The following FRMPD4 variants were observed in gnomAD, a reference collection of about 807,000 sequenced individuals.
The protein encoded by FRMPD4 is FERM and PDZ domain containing 4, also known as FERM and PDZ domain-containing protein 4.
FRMPD4 carries 22 observed loss-of-function variants against 94.1 expected under a neutral mutation model. The observed-to-expected ratio is 0.23, with a 90% confidence interval of 0.17 to 0.33. FRMPD4 has a LOEUF of 0.33. Among genes scored for constraint, FRMPD4 ranks in the 10% least tolerant of loss-of-function variants. The probability of loss-of-function intolerance (pLI) is 1.00; values close to 1 mark genes in which losing one functional copy is unlikely to be tolerated. For synonymous variants in FRMPD4, 631 were observed against 548.6 expected, an observed-to-expected ratio of 1.15 and a Z score of -2.10; for missense variants, 1,111 against 1,339.9, an observed-to-expected ratio of 0.83 and a Z score of 2.67.
chrX:12,677,252 C>T (rs974842138), intron 5 of FRMPD4, among the ~76,000 whole-genome samples: 1 of 110,905 alleles, frequency 9.0e-6, no homozygotes, highest in African/African-American at 3.3e-5. Context: ...AAAATTACTC[C>T]CAGCTGAGAA....
At chrX:12,228,762 C>A (rs760949500) in intron 1 of FRMPD4, among the ~76,000 whole-genome samples, 1 of 112,383 alleles carries the variant, frequency 8.9e-6, no homozygotes, top group East Asian at 2.8e-4. Context: ...TGCTTACAAA[C>A]AGCTGTTTGT....
chrX:12,285,797 G>A (rs1213096437), intron 1 of FRMPD4, among the ~76,000 whole-genome samples: 2 of 112,080 alleles, frequency 1.8e-5, no homozygotes, highest in African/African-American at 6.5e-5. Context: ...CAGCCCCAAT[G>A]CCGGGTGTAT....
At chrX:12,122,196 T>C (rs1325470286) in intron 3 of FRMPD4, among the ~76,000 whole-genome samples, 1 of 109,871 alleles carries the variant, frequency 9.1e-6, no homozygotes, top group East Asian at 2.8e-4. Context: ...TCACCCTCCT[T>C]ATAGACTTGA....
chrX:12,533,217 G>A (rs192497794), intron 2 of FRMPD4, among the ~76,000 whole-genome samples: 2 of 111,901 alleles, frequency 1.8e-5, no homozygotes, highest in African/African-American at 6.5e-5. Flanking sequence ...GGAGTTCCCT[G>A]CACAAGCTCT....
At chrX:12,209,611 T>C (rs1334190456) in intron 1 of FRMPD4, among the ~76,000 whole-genome samples, 1 of 112,248 alleles carries the variant, frequency 8.9e-6, no homozygotes, top group Non-Finnish European at 1.9e-5. Context: ...GTGAAGGGCT[T>C]CAGTGCAGCA....
chrX:12,111,636 C>A (rs2055362826), intron 3 of FRMPD4, among the ~76,000 whole-genome samples: 1 of 111,667 alleles, frequency 9.0e-6, no homozygotes, highest in African/African-American at 3.3e-5. Flanking sequence ...AACAGGCAAC[C>A]TACAGAATGG....
intron 2 of FRMPD4, among the ~76,000 whole-genome samples, chrX:12,571,079 C>T (rs1204222792): frequency 8.9e-6 from 1 of 111,931 alleles, no homozygotes; most frequent in Admixed American, 9.5e-5. Flanking sequence ...TGCATCGAAA[C>T]CTAAACTTTG....
intron 1 of FRMPD4, among the ~76,000 whole-genome samples, chrX:12,444,955 A>T (rs1569278797): frequency 8.9e-6 from 1 of 111,955 alleles, no homozygotes; most frequent in Non-Finnish European, 1.9e-5. Context: ...CACTTATTCT[A>T]CAAGCAACCA....
chrX:12,447,626 T>C (rs927465032), intron 1 of FRMPD4, among the ~76,000 whole-genome samples: 6 of 112,074 alleles, frequency 5.4e-5, no homozygotes, highest in African/African-American at 1.9e-4. Context: ...GTCTTTTATA[T>C]TTCCCTAGGT....
intron 3 of FRMPD4, among the ~76,000 whole-genome samples, chrX:12,091,738 C>T (rs1464546278): frequency 1.8e-5 from 2 of 111,748 alleles, no homozygotes; most frequent in Non-Finnish European, 3.8e-5. Flanking sequence ...TGTGTAAAGG[C>T]CATGGATGAT....
At chrX:11,930,570 T>A (rs1275668586) in intron 3 of FRMPD4, among the ~76,000 whole-genome samples, 1 of 111,643 alleles carries the variant, frequency 9.0e-6, no homozygotes, top group African/African-American at 3.3e-5. Flanking sequence ...TCAGAGACAG[T>A]GCAACCTTAT....
intron 1 of FRMPD4, among the ~76,000 whole-genome samples, chrX:11,843,022 T>G (rs1223690063): frequency 8.9e-6 from 1 of 112,238 alleles, no homozygotes; most frequent in Non-Finnish European, 1.9e-5. Flanking sequence ...GGTGGTAGAT[T>G]TTGCTAAATA....
chrX:12,300,080 G>A, intron 1 of FRMPD4, among the ~76,000 whole-genome samples: 1 of 112,019 alleles, frequency 8.9e-6, no homozygotes, highest in Non-Finnish European at 1.9e-5. Context: ...TGTTGGTAGA[G>A]TGGCTCAGAG....
intron 1 of FRMPD4, among the ~76,000 whole-genome samples, chrX:11,862,071 T>C (rs2053690564): frequency 9.0e-6 from 1 of 110,659 alleles, no homozygotes; most frequent in South Asian, 3.9e-4. Context: ...AAGAACCCAC[T>C]CACTATCACA....
intron 8 of FRMPD4, 102 bp downstream of exon 8, chrX:12,690,428 G>A (rs2060068948): frequency 6.4e-6 from 4 of 629,029 alleles, no homozygotes; most frequent in Non-Finnish European, 9.4e-6. Context: ...TGTATTAATT[G>A]TATCCCTGGG....
chrX:12,691,293 G>GGT (rs2060078259), intron 8 of FRMPD4, among the ~76,000 whole-genome samples: 1 of 109,038 alleles, frequency 9.2e-6, no homozygotes, highest in African/African-American at 3.4e-5. Context: ...GTTTTGTTTT[G>GGT]TTTTTTTGAG....
intron 3 of FRMPD4, among the ~76,000 whole-genome samples, chrX:11,912,474 A>G (rs1360829263): frequency 1.8e-5 from 2 of 112,274 alleles, no homozygotes; most frequent in Non-Finnish European, 3.8e-5. Flanking sequence ...CACATAAAAG[A>G]AATATAAAGG....
chrX:12,469,392 G>T (rs771039250), intron 1 of FRMPD4, among the ~76,000 whole-genome samples: 2 of 110,907 alleles, frequency 1.8e-5, no homozygotes, highest in African/African-American at 3.3e-5. Context: ...TGGGATTACC[G>T]GCGCACACTG....
chrX:12,510,661 C>A (rs969334111), intron 2 of FRMPD4, among the ~76,000 whole-genome samples: 1 of 111,972 alleles, frequency 8.9e-6, no homozygotes, highest in African/African-American at 3.2e-5. Flanking sequence ...GGAATTCCAG[C>A]AAAAAGGAAA....
Sources: gnomAD v4.1 joint callset for allele counts (sites outside exome capture counted in the v4.1 genomes callset) on GRCh38, gnomAD v4.1.1 for gene constraint, MANE v1.5 for transcripts, NCBI Gene and HGNC (gene_info 2026-07-23, HGNC 2026-07-21) for gene names.